Variants in EMC10 observed in about 807,000 individuals in gnomAD.
EMC10 encodes the protein ER membrane protein complex subunit 10, also known as UPF0510 protein INM02.
In EMC10, 40 loss-of-function variants were observed where a neutral mutation model predicts 32.2. That is an observed-to-expected ratio of 1.24 (90% CI 0.96 to 1.61). The LOEUF (loss-of-function observed/expected upper bound fraction) is 1.61, where lower values mean the gene tolerates loss of function less well. Among genes scored for constraint, EMC10 ranks in the 40% most tolerant of loss-of-function variants. The pLI, the probability that EMC10 is intolerant of heterozygous loss-of-function variation, is 0.00. For missense variants in EMC10, 402 were observed against 357.7 expected (o/e 1.12, Z -1.00); for synonymous variants, 178 against 158.4 (o/e 1.12, Z -0.93).
At chr19:50,481,874 T>TGG (rs200206091) in intron 6 of EMC10, 3 of 1,582,658 alleles carry the variant, frequency 1.9e-6, no homozygotes, top group South Asian at 1.1e-5. Context: ...CACATCATCC[T>TGG]GGGGGGGGCC....
Position 50,476,639 on chromosome 19 carries a change from C to A in EMC10, c.95C>A (p.Ala32Asp). The A allele has an allele frequency of 6.5e-7, 1 of 1,544,032 alleles. No individual in the cohort carries two copies. The highest frequency in any genetic ancestry group is 2.4e-5 in the East Asian group (1 of 41,654). ...PSRARGSGCRAGTGARGAGAE... is the reference protein window; with the variant it reads ...PSRARGSGCRDGTGARGAGAE... The stretch of plus-strand genomic sequence containing the variant: ...CGAGCCCGGGGCAGCGGCTGCCGGG[C>A]CGGGACTGGTGCGCGAGGGGTGAGT... Residue 32 changes from alanine to aspartate, a missense_variant, in exon 1 of 7, where the codon GCC becomes GAC. Physicochemically the swap from Ala to Asp is moderately radical, Grantham distance 126. Coordinates refer to ENST00000334976, the MANE Select transcript of EMC10 (RefSeq NM_206538.4).
chr19:50,486,506 A>C lies in EMC10; in HGVS notation c.*4247A>C, dbSNP rs1210226309. The C allele has an allele frequency of 6.6e-6, 1 of 152,108 alleles. No homozygotes were observed. Among genetic ancestry groups the C allele is most frequent in the Non-Finnish European group, 1.5e-5 (1 of 68,016 alleles). The allele number at this position is 152,108 out of a possible 1,614,324, so 9.4% of individuals were successfully genotyped here. Reference sequence around the variant, plus strand: ...TGGCCTCTGTAGGCTTCTTTAACCCATCAGAGAGACTCCCTGGTAAGGATT... The same window carrying C: ...TGGCCTCTGTAGGCTTCTTTAACCCCTCAGAGAGACTCCCTGGTAAGGATT... On this transcript the variant is annotated 3_prime_UTR_variant, in exon 7 of 7. Transcript: ENST00000334976.
intron 3 of EMC10, among the ~76,000 whole-genome samples, chr19:50,479,350 CTCT>C (rs1353007663): frequency 6.6e-6 from 1 of 152,244 alleles, no homozygotes; most frequent in African/African-American, 2.4e-5. Flanking sequence ...CAGTCGGCTC[CTCT>C]TCTTTTCCAG....
chr19:50,477,466 A>T (rs1251069391), intron 1 of EMC10, among the ~76,000 whole-genome samples: 1 of 152,214 alleles, frequency 6.6e-6, no homozygotes, highest in Non-Finnish European at 1.5e-5. Context: ...TTGTCTCCTA[A>T]ATATGCGTGA....
Position 50,476,633 on chromosome 19 carries a change from G to C in EMC10, c.89G>C (p.Cys30Ser). The C allele has an allele frequency of 6.5e-7, 1 of 1,549,028 alleles. No homozygotes were observed. Among genetic ancestry groups the C allele is most frequent in the Non-Finnish European group, 8.7e-7 (1 of 1,153,180 alleles). The change falls in exon 1 of 7, where the codon TGC becomes TCC. Residue 30 changes from cysteine to serine, a missense_variant. By Grantham distance (112) the Cys-to-Ser change is moderately radical. Transcript: ENST00000334976. The stretch of plus-strand genomic sequence containing the variant: ...CCCAGTCGAGCCCGGGGCAGCGGCT[G>C]CCGGGCCGGGACTGGTGCGCGAGGG... ...AAPSRARGSGCRAGTGARGAG... is the reference protein window; with the variant it reads ...AAPSRARGSGSRAGTGARGAG...
chr19:50,476,800 T>G (rs1298653878), intron 1 of EMC10, 142 bp downstream of exon 1: 4 of 583,630 alleles, frequency 6.9e-6, no homozygotes, highest in Non-Finnish European at 1.1e-5. Context: ...CAGGCCTCAG[T>G]CACGCACGCG....
In EMC10 at chr19:50,480,356, G is replaced by A. The variant is rs1394712958; in HGVS notation, c.402+141G>A. 2 of 1,012,856 alleles carry A rather than the reference G, an allele frequency of 2.0e-6. No individual in the cohort carries two copies. The highest frequency in any genetic ancestry group is 2.9e-6 in the Non-Finnish European group (2 of 686,246). The allele number at this position is 1,012,856 out of a possible 1,614,324, so 62.7% of individuals were successfully genotyped here. On this transcript the variant is annotated intron_variant, in intron 4 of 6. Transcript: ENST00000334976. This position sits in a 1 kb window ranked among gnomAD's most constrained non-coding sequence, Gnocchi z 4.4. ...CTCAGACCTGGCCTTGCCTTCCGAG[G>A]CCTCCTGGTCTGGAGGGGTCGGTCC... is the stretch of plus-strand genomic sequence containing the variant.
rs1248188173 is a variant in EMC10, at chr19:50,486,727, A to T, written c.*4468A>T. The T allele has an allele frequency of 6.6e-6, 1 of 152,210 alleles. No homozygotes were observed. The highest frequency in any genetic ancestry group is 1.5e-5 in the Non-Finnish European group (1 of 68,028). 9.4% of individuals were successfully genotyped at this position (152,210 alleles called of 1,614,324 possible). ...TCCTTTGTTTCCCATGTGCAGTCCCAGTTGCATTTCCATGGGAGCCAATCC... is the reference window on the plus strand; with the variant it reads ...TCCTTTGTTTCCCATGTGCAGTCCCTGTTGCATTTCCATGGGAGCCAATCC... On this transcript the variant is annotated 3_prime_UTR_variant, in exon 7 of 7. Coordinates refer to ENST00000334976, the MANE Select transcript of EMC10 (RefSeq NM_206538.4).
chr19:50,476,572 C>T lies in EMC10; in HGVS notation c.28C>T (p.Arg10Trp), dbSNP rs779598164. 6.3e-7 allele frequency: 1 copy of T among 1,575,526 alleles called. No homozygotes were observed. MAAASAGAT[R>W]LLLLLLMAVA... ...GGCGGCAGCCAGCGCTGGGGCAACC[C>T]GGCTGCTCCTGCTCTTGCTGATGGC... The change falls in exon 1 of 7, where the codon CGG (arginine) becomes TGG (tryptophan). Residue 10 changes from arginine (R) to tryptophan (W), a missense_variant. By Grantham distance (101) the Arg-to-Trp change is moderately radical. Transcript: ENST00000334976.
chr19:50,479,688 A>C (rs576458792), intron 3 of EMC10, among the ~76,000 whole-genome samples: 4 of 152,302 alleles, frequency 2.6e-5, no homozygotes, highest in African/African-American at 9.6e-5. Flanking sequence ...CCACGCGGTG[A>C]GGTCTGCCTG....
chr19:50,482,833 G>C lies in EMC10; in HGVS notation c.*574G>C. The C allele has an allele frequency of 1.9e-6, 1 of 522,036 alleles. No homozygotes were observed. The highest frequency in any genetic ancestry group is 3.4e-6 in the Non-Finnish European group (1 of 296,880). The allele number at this position is 522,036 out of a possible 1,614,324, so 32.3% of individuals were successfully genotyped here. ...TGGATGGCCGGGGGCTTCTGGGCCC[G>C]ACGCCTAGTGCAGCCCCTGGGGTCG... On this transcript the variant is annotated 3_prime_UTR_variant, in exon 7 of 7. Coordinates refer to ENST00000334976, the MANE Select transcript of EMC10 (RefSeq NM_206538.4).
chr19:50,477,861 T>TAG (rs2040253069), intron 1 of EMC10, 68 bp from the exon 2 acceptor site: 12 of 1,286,566 alleles, frequency 9.3e-6, no homozygotes, highest in Non-Finnish European at 1.3e-5. Flanking sequence ...CTGTCCTGGG[T>TAG]TCTGTGGGTG....
Position 50,480,700 on chromosome 19 carries a change from G to A in EMC10, c.522G>A (p.Glu174=), listed in dbSNP as rs1379453953. 1 of 1,605,058 alleles carries A rather than the reference G, an allele frequency of 6.2e-7. No individual in the cohort carries two copies. The highest frequency in any genetic ancestry group is 2.2e-5 in the East Asian group (1 of 44,524). The part of the protein sequence containing the change: ...HPGGCRGHEV[E]DVDLELFNTS... ...GGGGCTGCCGGGGCCATGAGGTGGA[G>A]GACGTGGACCTGGAGCTGTTCAACA... Residue 174 remains glutamate, a synonymous_variant, in exon 5 of 7, where the codon GAG becomes GAA. Transcript: ENST00000334976. This position sits in a 1 kb window ranked among gnomAD's most constrained non-coding sequence, Gnocchi z 4.4.
Position 50,480,563 on chromosome 19 carries a change from AC to A in EMC10, c.403-14del. The stretch of plus-strand genomic sequence containing the variant: ...GGCAGCAGGCTCCCCACCTCCACTG[AC>A]CCCACTCCCCCCACAGTGCTCCCTG... On this transcript the variant is annotated splice_polypyrimidine_tract_variant and intron_variant, in intron 4 of 6. Coordinates refer to ENST00000334976, the MANE Select transcript of EMC10 (RefSeq NM_206538.4). This position sits in a 1 kb window ranked among gnomAD's most constrained non-coding sequence, Gnocchi z 4.4. 2 of 1,549,780 alleles carry A rather than the reference AC, an allele frequency of 1.3e-6. No individual in the cohort carries two copies. The highest frequency in any genetic ancestry group is 1.7e-6 in the Non-Finnish European group (2 of 1,146,710).
At chr19:50,482,025 CCCTCCCCTTACGCGA>C (rs1363843299) in intron 6 of EMC10, 109 bp from the exon 7 acceptor site, 7 of 1,572,224 alleles carry the variant, frequency 4.5e-6, no homozygotes, top group Non-Finnish European at 6.1e-6. Flanking sequence ...GACCTGGGCG[CCCTCCCCTTACGCGA>C]CCTCCCCTCA....
Position 50,490,814 on chromosome 19 carries a change from A to G in EMC10, c.*8555A>G, listed in dbSNP as rs1978594061. Reference sequence around the variant, plus strand: ...TTCGCTGCTGGAAAATCAGACGCAGAGTACGAAACGCCTGTGCTCACTATG... The same window carrying G: ...TTCGCTGCTGGAAAATCAGACGCAGGGTACGAAACGCCTGTGCTCACTATG... On this transcript the variant is annotated 3_prime_UTR_variant, in exon 7 of 7. Coordinates refer to ENST00000334976, the MANE Select transcript of EMC10 (RefSeq NM_206538.4). 3 of 152,212 alleles carry G rather than the reference A, an allele frequency of 2.0e-5. No homozygotes were observed. The highest frequency in any genetic ancestry group is 7.2e-5 in the African/African-American group (3 of 41,442). The allele number at this position is 152,212 out of a possible 1,614,324, so 9.4% of individuals were successfully genotyped here.
Position 50,488,286 on chromosome 19 carries a change from A to G in EMC10, c.*6027A>G. On this transcript the variant is annotated 3_prime_UTR_variant, in exon 7 of 7. Transcript: ENST00000334976. ...ACTCCAGCCTGGGCGACAGAGCGAG[A>G]CTCCGTCTCAAAAAAAAAAAAAAAA... The G allele has an allele frequency of 1.1e-5, 1 of 91,752 alleles. No homozygotes were observed. The highest frequency in any genetic ancestry group is 1.7e-4 in the Admixed American group (1 of 5,780). 5.7% of individuals were successfully genotyped at this position (91,752 alleles called of 1,614,324 possible). A position where few individuals can be genotyped will look rare whatever the true frequency, so the allele number is the denominator to read the frequency against.
Position 50,484,881 on chromosome 19 carries a change from A to G in EMC10, c.*2622A>G, listed in dbSNP as rs905571376. 4 of 151,998 alleles carry G rather than the reference A, an allele frequency of 2.6e-5. No homozygotes were observed. Among genetic ancestry groups the G allele is most frequent in the East Asian group, 1.9e-4 (1 of 5,166 alleles). 9.4% of individuals were successfully genotyped at this position (151,998 alleles called of 1,614,324 possible). A position where few individuals can be genotyped will look rare whatever the true frequency, so the allele number is the denominator to read the frequency against. ...ATCCACGTCCAGAAACTGTATGCTCACTCTGGGCTCCAGCACCCACTTCCC... is the reference window on the plus strand; with the variant it reads ...ATCCACGTCCAGAAACTGTATGCTCGCTCTGGGCTCCAGCACCCACTTCCC... On this transcript the variant is annotated 3_prime_UTR_variant, in exon 7 of 7. Coordinates refer to ENST00000334976, the MANE Select transcript of EMC10 (RefSeq NM_206538.4).
At chr19:50,481,935 A>C (rs1260447188) in intron 6 of EMC10, 1 of 1,607,158 alleles carries the variant, frequency 6.2e-7, no homozygotes, top group Non-Finnish European at 8.5e-7. Context: ...CGCCACCGCC[A>C]CAGGAGGCCT....
Sources: gnomAD v4.1 joint callset for allele counts (sites outside exome capture counted in the v4.1 genomes callset) on GRCh38, gnomAD v4.1.1 for gene constraint, Gnocchi (gnomAD v3.1) non-coding constraint, MANE v1.5 for transcripts, NCBI Gene and HGNC (gene_info 2026-07-23, HGNC 2026-07-21) for gene names.